ASAP1: variants seen among roughly 807,000 people sequenced by gnomAD.
The protein encoded by ASAP1 is ArfGAP with SH3 domain, ankyrin repeat and PH domain 1.
A neutral mutation model predicts 145.2 loss-of-function variants in ASAP1; 43 were observed. That is an observed-to-expected ratio of 0.30 (90% CI 0.23 to 0.38). The LOEUF (loss-of-function observed/expected upper bound fraction) is 0.38. Ranked by LOEUF, ASAP1 falls within the 10% of genes least tolerant of loss-of-function variation. ASAP1 has a pLI of 1.00. For missense variants in ASAP1, 1,018 were observed against 1,355.3 expected, an observed-to-expected ratio of 0.75 and a Z score of 3.91; for synonymous variants, 546 against 515.5, an observed-to-expected ratio of 1.06 and a Z score of -0.80.
chr8:130,247,208 C>T lies in ASAP1; in HGVS notation c.187-10214G>A, dbSNP rs1412100804. ...TGTTTGCTTCTTTTCCTCCTTTCCC[C>T]AATGGTCCTCAGAGTCTGATTTTGG... On this transcript the variant is annotated intron_variant, in intron 3 of 29. Transcript: ENST00000518721. Among the ~76,000 whole-genome samples, 3 of 147,562 alleles carry T rather than the reference C, an allele frequency of 2.0e-5. No homozygotes were observed. In the East Asian group the frequency reaches 6.0e-4, roughly 29 times the overall value.
intron 3 of ASAP1, among the ~76,000 whole-genome samples, chr8:130,287,660 T>C (rs1201217865): frequency 2.0e-5 from 3 of 152,210 alleles, no homozygotes; most frequent in Non-Finnish European, 4.4e-5. Flanking sequence ...ATTTCTCCTC[T>C]GCAAAATGCG....
intron 13 of ASAP1, among the ~76,000 whole-genome samples, chr8:130,137,623 T>C (rs1352528132): frequency 2.0e-5 from 3 of 152,240 alleles, no homozygotes; most frequent in African/African-American, 7.2e-5. Context: ...ATGCAAAATT[T>C]ACATTACTTC....
At chr8:130,055,707 A>T (rs2097402444) in intron 29 of ASAP1, among the ~76,000 whole-genome samples, 2 of 152,212 alleles carry the variant, frequency 1.3e-5, no homozygotes. Flanking sequence ...CAATTAGATT[A>T]GTATTGATTG....
intron 3 of ASAP1, among the ~76,000 whole-genome samples, chr8:130,275,376 A>G (rs1820816017): frequency 6.6e-6 from 1 of 152,246 alleles, no homozygotes. Context: ...AGGCAGTAAT[A>G]ATGGCTTTGG....
chr8:130,311,966 G>A (rs571013950), intron 3 of ASAP1, among the ~76,000 whole-genome samples: 28 of 151,934 alleles, frequency 1.8e-4, no homozygotes, highest in Non-Finnish European at 3.2e-4. Context: ...GAGAAGATCC[G>A]AATTCAGCCT....
chr8:130,195,919 A>G (rs1815454421), intron 5 of ASAP1, among the ~76,000 whole-genome samples: 1 of 152,204 alleles, frequency 6.6e-6, no homozygotes, highest in East Asian at 1.9e-4. Context: ...ATGCTTTACC[A>G]CTAAAAGAAA....
chr8:130,187,128 A>C (rs1294161512), intron 7 of ASAP1, 108 bp downstream of exon 7: 5 of 903,110 alleles, frequency 5.5e-6, no homozygotes, highest in Non-Finnish European at 8.4e-6. Context: ...TTGAGAAGTT[A>C]TTAGTTAAGG....
At chr8:130,226,145 T>C (rs941588235) in intron 4 of ASAP1, among the ~76,000 whole-genome samples, 3 of 151,986 alleles carry the variant, frequency 2.0e-5, no homozygotes, top group African/African-American at 7.3e-5. Context: ...CCCAAAGTGC[T>C]GTGATTAACG....
intron 1 of ASAP1, among the ~76,000 whole-genome samples, chr8:130,443,162 G>A (rs1027914577): frequency 6.6e-6 from 1 of 151,942 alleles, no homozygotes; most frequent in Non-Finnish European, 1.5e-5. Flanking sequence ...GGCGGGCCCC[G>A]TCCCCGGCCC....
At chr8:130,196,886 T>C (rs1333034521) in intron 5 of ASAP1, among the ~76,000 whole-genome samples, 2 of 152,236 alleles carry the variant, frequency 1.3e-5, no homozygotes, top group African/African-American at 4.8e-5. Context: ...AGAGTTATAA[T>C]ACCTTGAAGC....
chr8:130,433,768 C>A (rs1275608548), intron 1 of ASAP1, among the ~76,000 whole-genome samples: 1 of 152,210 alleles, frequency 6.6e-6, no homozygotes, highest in Non-Finnish European at 1.5e-5. Context: ...GTACCAGTTA[C>A]GTGCCAGGCA....
intron 2 of ASAP1, 29 bp downstream of exon 2, chr8:130,401,856 C>T: frequency 6.2e-7 from 1 of 1,605,488 alleles, no homozygotes; most frequent in Non-Finnish European, 8.5e-7. Flanking sequence ...GCCGAGTTTT[C>T]TGGACAGGAT....
intron 3 of ASAP1, among the ~76,000 whole-genome samples, chr8:130,245,519 C>T (rs1818794561): frequency 6.6e-6 from 1 of 152,158 alleles, no homozygotes; most frequent in South Asian, 2.1e-4. Context: ...CGACCAATAT[C>T]TCCTAAACAA....
At position 130,200,684 on chromosome 8, in the gene ASAP1, T is replaced by G. The variant is rs559496795; in HGVS notation, c.406-12501A>C. Among the ~76,000 whole-genome samples, 27 of 152,292 alleles carry G rather than the reference T, an allele frequency of 1.8e-4. No individual in the cohort carries two copies. In the East Asian group the frequency reaches 5.2e-3, roughly 29 times the overall value. On this transcript the variant is annotated intron_variant, in intron 5 of 29. Coordinates refer to ENST00000518721, the MANE Select transcript of ASAP1 (RefSeq NM_018482.4). ...AGATAAGATTACTGTTGATTTTTATTTTAGTCTTTTTCTCCCTACATTTTC... is the reference window on the plus strand; with the variant it reads ...AGATAAGATTACTGTTGATTTTTATGTTAGTCTTTTTCTCCCTACATTTTC...
At chr8:130,276,727 C>T (rs1820915239) in intron 3 of ASAP1, among the ~76,000 whole-genome samples, 1 of 127,472 alleles carries the variant, frequency 7.8e-6, no homozygotes, top group Non-Finnish European at 1.7e-5. Context: ...CACACACACA[C>T]ACTCTCTCTC....
At chr8:130,136,817 C>A (rs1435528604) in intron 14 of ASAP1, 134 bp downstream of exon 14, 3 of 742,616 alleles carry the variant, frequency 4.0e-6, no homozygotes, top group East Asian at 5.3e-5. Context: ...CTTCCTAGAG[C>A]AGCACATGCA....
At chr8:130,079,674 G>A (rs1285082753) in intron 26 of ASAP1, among the ~76,000 whole-genome samples, 1 of 151,986 alleles carries the variant, frequency 6.6e-6, no homozygotes, top group Admixed American at 6.6e-5. Context: ...CTGTGAACTG[G>A]GTAGACAGCG....
intron 4 of ASAP1, among the ~76,000 whole-genome samples, chr8:130,223,819 T>C (rs1277462277): frequency 6.6e-6 from 1 of 152,098 alleles, no homozygotes; most frequent in East Asian, 1.9e-4. Context: ...AAGTTCTCCT[T>C]CTGTGTCAAG....
rs568013599 is a variant in ASAP1, at chr8:130,254,953, G to C, written c.187-17959C>G. ...TTGCCATTTTTACCACTGTGCTTCT[G>C]ATTTCCCCAACTGCCAAAATATTAT... is the stretch of plus-strand genomic sequence containing the variant. On this transcript the variant is annotated intron_variant, in intron 3 of 29. Transcript: ENST00000518721. 2.0e-5 allele frequency among the ~76,000 whole-genome samples: 3 copies of C among 152,242 alleles called. No individual in the cohort carries two copies. In the South Asian group the frequency reaches 6.2e-4, roughly 32 times the overall value.
Sources: gnomAD v4.1 joint callset for allele counts (sites outside exome capture counted in the v4.1 genomes callset) on GRCh38, gnomAD v4.1.1 for gene constraint, MANE v1.5 for transcripts, NCBI Gene and HGNC (gene_info 2026-07-23, HGNC 2026-07-21) for gene names.